Variants in CTSB observed in about 807,000 individuals in gnomAD.
The protein encoded by CTSB is APP secretase.
In CTSB, 57 loss-of-function variants were observed where a neutral mutation model predicts 44.3. That is an observed-to-expected ratio of 1.29 (90% confidence interval 1.04 to 1.60). CTSB has a LOEUF of 1.60. Among genes scored for constraint, CTSB ranks in the 40% most tolerant of loss-of-function variants. The pLI, the probability that CTSB is intolerant of heterozygous loss-of-function variation, is 0.00. For missense variants in CTSB, 768 were observed against 443.0 expected (o/e 1.73, Z -6.59); for synonymous variants, 320 against 168.0 (o/e 1.91, Z -7.00).
intron 7 of CTSB, 107 bp downstream of exon 7, chr8:11,847,572 C>G (rs182274474): frequency 1.6e-6 from 2 of 1,276,612 alleles, no homozygotes; most frequent in Admixed American, 2.7e-5. Context: ...CCTAGAGTTC[C>G]GGGACCCCAA....
At chr8:11,851,689 C>T (rs1569393) in intron 3 of CTSB, among the ~76,000 whole-genome samples, 13 of 152,250 alleles carry the variant, frequency 8.5e-5, no homozygotes, top group African/African-American at 1.2e-4. Context: ...AAGGCAGTGT[C>T]GTGCAACTTA....
chr8:11,849,604 G>C (rs1046466231), intron 4 of CTSB: 4 of 152,870 alleles, frequency 2.6e-5, no homozygotes. Context: ...CCTGGAGGCG[G>C]AGTTTCACTT....
At position 11,843,635 on chromosome 8, in the gene CTSB, A is replaced by C. The variant is rs774427027; in HGVS notation, c.*1490T>G. ...CCAAGGCTGGAGGGCATCCAGGGGGATGTGGTTCCCCACGGGGTAGCATCT... is the reference window on the plus strand; with the variant it reads ...CCAAGGCTGGAGGGCATCCAGGGGGCTGTGGTTCCCCACGGGGTAGCATCT... On this transcript the variant is annotated 3_prime_UTR_variant, in exon 10 of 10. Coordinates refer to ENST00000353047, the MANE Select transcript of CTSB (RefSeq NM_001908.5). 6 of 152,170 alleles carry C rather than the reference A, an allele frequency of 3.9e-5. No homozygotes were observed. The highest frequency in any genetic ancestry group is 7.4e-5 in the Non-Finnish European group (5 of 68,020). 9.4% of individuals were successfully genotyped at this position (152,170 alleles called of 1,614,324 possible).
At chr8:11,862,914 G>C (rs149194121) in intron 1 of CTSB, among the ~76,000 whole-genome samples, 3 of 152,356 alleles carry the variant, frequency 2.0e-5, no homozygotes, top group Non-Finnish European at 2.9e-5. Context: ...GGTGATGCTA[G>C]ATTATCTTGA....
intron 2 of CTSB, 43 bp downstream of exon 2, chr8:11,853,286 G>C (rs750414611): frequency 6.2e-7 from 1 of 1,607,568 alleles, no homozygotes; most frequent in Admixed American, 1.7e-5. Flanking sequence ...TGCACAGACC[G>C]ACCTGGGAGG....
chr8:11,846,753 G>A lies in CTSB; in HGVS notation c.793+299C>T, dbSNP rs376110483. Reference sequence around the variant, plus strand: ...AGGCGTGGCCAGCCACCAGGGAGGGGGGCGTTCCCACAGAGAACATGTATG... The same window carrying A: ...AGGCGTGGCCAGCCACCAGGGAGGGAGGCGTTCCCACAGAGAACATGTATG... On this transcript the variant is annotated intron_variant, in intron 8 of 9. Transcript: ENST00000353047. 5.3e-5 allele frequency among the ~76,000 whole-genome samples: 8 copies of A among 152,342 alleles called. No homozygotes were observed. In the East Asian group the frequency reaches 1.3e-3, roughly 26 times the overall value.
chr8:11,848,900 G>T (rs1157562301), intron 5 of CTSB, 146 bp downstream of exon 5: 2 of 591,328 alleles, frequency 3.4e-6, no homozygotes. Flanking sequence ...GCCTTGCCAG[G>T]CCCTGCCTGC....
chr8:11,855,094 C>T (rs1447941793), intron 1 of CTSB, among the ~76,000 whole-genome samples: 1 of 152,200 alleles, frequency 6.6e-6, no homozygotes, highest in Non-Finnish European at 1.5e-5. Flanking sequence ...ATGATCTCGG[C>T]TCACTGCAAC....
chr8:11,845,201 C>T lies in CTSB; in HGVS notation c.944G>A (p.Gly315Glu), dbSNP rs774312553. The T allele has an allele frequency of 6.2e-7, 1 of 1,613,588 alleles. No homozygotes were observed. The highest frequency in any genetic ancestry group is 8.5e-7 in the Non-Finnish European group (1 of 1,179,512). ...TGATTCGATTCCACAGTGATCCTGTCCTCTGAGTATTTTAAAGAAGCCTGG... is the reference window on the plus strand; with the variant it reads ...TGATTCGATTCCACAGTGATCCTGTTCTCTGAGTATTTTAAAGAAGCCTGG... ...GDNGFFKILR[G>E]QDHCGIESEV... is the part of the protein sequence containing the mutation. The change falls in exon 10 of 10, where the codon GGA becomes GAA. Residue 315 changes from glycine (G) to glutamate (E), a missense_variant. Gly to Glu is a moderately conservative substitution (Grantham distance 98). Coordinates refer to ENST00000353047, the MANE Select transcript of CTSB (RefSeq NM_001908.5).
chr8:11,846,704 A>C (rs1244046226), intron 8 of CTSB, among the ~76,000 whole-genome samples: 1 of 152,246 alleles, frequency 6.6e-6, no homozygotes, highest in Admixed American at 6.5e-5. Flanking sequence ...TGGTAAAGCA[A>C]TGCAAAGCCA....
chr8:11,850,307 T>A (rs144610577), intron 4 of CTSB, among the ~76,000 whole-genome samples: 2 of 149,588 alleles, frequency 1.3e-5, no homozygotes, highest in Non-Finnish European at 3.0e-5. Flanking sequence ...TAGTCTTAGC[T>A]ACTGGGGAGA....
At chr8:11,867,024 G>A (rs1817252348) in intron 1 of CTSB, among the ~76,000 whole-genome samples, 1 of 152,188 alleles carries the variant, frequency 6.6e-6, no homozygotes, top group Non-Finnish European at 1.5e-5. Flanking sequence ...TGGGTTTGGG[G>A]GGTCTCTCGT....
chr8:11,863,679 G>A (rs1207607606), intron 1 of CTSB, among the ~76,000 whole-genome samples: 1 of 152,146 alleles, frequency 6.6e-6, no homozygotes, highest in Non-Finnish European at 1.5e-5. Flanking sequence ...GGTTACTGTT[G>A]TCCTACAGCA....
intron 1 of CTSB, among the ~76,000 whole-genome samples, chr8:11,854,059 G>C (rs1370419418): frequency 2.6e-5 from 4 of 152,190 alleles, no homozygotes; most frequent in Admixed American, 2.0e-4. Context: ...CTGCGGAGAT[G>C]AGGCTTCTGA....
At chr8:11,862,455 A>G (rs1484377515) in intron 1 of CTSB, 1 of 152,256 alleles carries the variant, frequency 6.6e-6, no homozygotes, top group Non-Finnish European at 1.5e-5. Context: ...TCCCAGAGTC[A>G]TCATTTCTAT....
chr8:11,855,118 G>A (rs1815296217), intron 1 of CTSB, among the ~76,000 whole-genome samples: 2 of 152,168 alleles, frequency 1.3e-5, no homozygotes, highest in East Asian at 1.9e-4. Context: ...TGCCTCCTGG[G>A]TTCAAGCTAT....
chr8:11,845,518 G>A (rs763403204), intron 9 of CTSB, 143 bp downstream of exon 9: 1 of 1,000,428 alleles, frequency 1.0e-6, no homozygotes, highest in Non-Finnish European at 1.4e-6. Flanking sequence ...ACTCCTGACT[G>A]CCTGGCACTT....
chr8:11,863,685 C>G (rs544927075), intron 1 of CTSB, among the ~76,000 whole-genome samples: 1 of 152,140 alleles, frequency 6.6e-6, no homozygotes, highest in African/African-American at 2.4e-5. Context: ...TGTTGTCCTA[C>G]AGCAAAGATT....
intron 1 of CTSB, among the ~76,000 whole-genome samples, chr8:11,859,533 G>A (rs1398532714): frequency 5.3e-5 from 8 of 152,110 alleles, no homozygotes; most frequent in Non-Finnish European, 1.2e-4. Context: ...GGTCAAGGCA[G>A]GCGGATCACC....
Sources: allele counts gnomAD v4.1 joint callset (sites outside exome capture counted in the v4.1 genomes callset), GRCh38; gene constraint gnomAD v4.1.1; transcripts MANE v1.5; gene names NCBI Gene and HGNC (gene_info 2026-07-23, HGNC 2026-07-21).